Variants in STX8 observed in about 807,000 individuals in gnomAD.
STX8 encodes the protein syntaxin 8, also known as syntaxin-8.
A neutral mutation model predicts 37.5 loss-of-function variants in STX8; 23 were observed. The observed-to-expected ratio is 0.61, with a 90% CI of 0.44 to 0.87. The LOEUF (loss-of-function observed/expected upper bound fraction) is 0.87, where lower values mean the gene tolerates loss of function less well. Among genes scored for constraint, STX8 ranks in the 40% least tolerant of loss-of-function variants. STX8 has a pLI of 0.00. For missense variants in STX8, 313 were observed against 284.7 expected (o/e 1.10, Z -0.71); for synonymous variants, 115 against 99.1 (o/e 1.16, Z -0.95).
At chr17:9,556,733 A>G (rs1245022666) in intron 3 of STX8, among the ~76,000 whole-genome samples, 2 of 145,098 alleles carry the variant, frequency 1.4e-5, no homozygotes, top group Admixed American at 1.4e-4. Flanking sequence ...CACCTGGCCC[A>G]GATTATGAAT....
Position 9,299,673 on chromosome 17 carries a change from G to A in STX8, c.644-49028C>T, listed in dbSNP as rs574697632. On this transcript the variant is annotated intron_variant, in intron 7 of 7. Coordinates refer to ENST00000306357, the MANE Select transcript of STX8 (RefSeq NM_004853.3). ...TTAGCCAGGATGGTCTCAATCTCCT[G>A]CCCTCGTGATCTACTGCCTCAGCCT... Among the ~76,000 whole-genome samples, 4 of 151,976 alleles carry A rather than the reference G, an allele frequency of 2.6e-5. No homozygotes were observed. In the East Asian group the frequency reaches 5.8e-4, roughly 22 times the overall value.
intron 7 of STX8, among the ~76,000 whole-genome samples, chr17:9,320,395 G>A (rs1016883440): frequency 1.3e-5 from 2 of 151,696 alleles, no homozygotes; most frequent in Non-Finnish European, 2.9e-5. Flanking sequence ...TTTGAAACCA[G>A]TGATGGGAAG....
At position 9,389,904 on chromosome 17, in the gene STX8, C is replaced by T. The variant is rs571161176; in HGVS notation, c.542-11251G>A. Among the ~76,000 whole-genome samples, 24 of 152,016 alleles carry T rather than the reference C, an allele frequency of 1.6e-4. No homozygotes were observed. The South Asian group carries it at 2.9e-3, about 18-fold the overall frequency. The stretch of plus-strand genomic sequence containing the variant: ...GGGTGGTGGTGACCTCTGATAATAC[C>T]GTACACTAGGAAAAGATACATTCCA... On this transcript the variant is annotated intron_variant, in intron 6 of 7. Transcript: ENST00000306357.
chr17:9,409,994 A>G lies in STX8; in HGVS notation c.542-31341T>C, dbSNP rs372216933. ...GATCTTGTCTTTTCCTATGAATCGT[A>G]AGTACGAAAGGATTGGGGGTGGGGG... On this transcript the variant is annotated intron_variant, in intron 6 of 7. Transcript: ENST00000306357. Among the ~76,000 whole-genome samples, 4 of 152,154 alleles carry G rather than the reference A, an allele frequency of 2.6e-5. 1 individual carries two copies. In the East Asian group the frequency reaches 5.8e-4, roughly 22 times the overall value.
At chr17:9,556,329 A>T (rs1906961576) in intron 3 of STX8, among the ~76,000 whole-genome samples, 1 of 152,222 alleles carries the variant, frequency 6.6e-6, no homozygotes, top group African/African-American at 2.4e-5. Context: ...TAGAGAAATG[A>T]TGAGAGAAGA....
chr17:9,492,808 C>T (rs1906911158), intron 5 of STX8, among the ~76,000 whole-genome samples: 1 of 152,088 alleles, frequency 6.6e-6, no homozygotes, highest in Admixed American at 6.6e-5. Context: ...AAAAAATTAG[C>T]CAGGCAGCCA....
intron 3 of STX8, among the ~76,000 whole-genome samples, chr17:9,548,835 C>T: frequency 6.6e-6 from 1 of 151,988 alleles, no homozygotes; most frequent in Non-Finnish European, 1.5e-5. Context: ...AAAAAAAATC[C>T]TAACTATATA....
intron 6 of STX8, among the ~76,000 whole-genome samples, chr17:9,484,974 G>A (rs1338229629): frequency 6.6e-6 from 1 of 152,170 alleles, no homozygotes; most frequent in Non-Finnish European, 1.5e-5. Flanking sequence ...TTATCAGGAA[G>A]GCATTGGGAG....
At chr17:9,427,318 C>T (rs1236569200) in intron 6 of STX8, among the ~76,000 whole-genome samples, 2 of 152,082 alleles carry the variant, frequency 1.3e-5, no homozygotes, top group East Asian at 1.9e-4. Flanking sequence ...AGTCTGAACC[C>T]GAGTCTGCTG....
chr17:9,430,832 G>A (rs1179490791), intron 6 of STX8, among the ~76,000 whole-genome samples: 1 of 152,000 alleles, frequency 6.6e-6, no homozygotes, highest in Non-Finnish European at 1.5e-5. Context: ...TGTATTTTTA[G>A]TAGAGACGGG....
intron 7 of STX8, among the ~76,000 whole-genome samples, chr17:9,299,558 C>T (rs2142175205): frequency 6.6e-6 from 1 of 151,798 alleles, no homozygotes; most frequent in Non-Finnish European, 1.5e-5. Flanking sequence ...ATTCTCCTGC[C>T]TCAGCCTCCT....
chr17:9,332,371 T>G (rs1239115774), intron 7 of STX8, among the ~76,000 whole-genome samples: 2 of 152,138 alleles, frequency 1.3e-5, no homozygotes, highest in Non-Finnish European at 2.9e-5. Flanking sequence ...TAACAAATCA[T>G]CAGATCGACG....
chr17:9,428,317 T>C (rs1913714085), intron 6 of STX8, among the ~76,000 whole-genome samples: 1 of 152,212 alleles, frequency 6.6e-6, no homozygotes, highest in Admixed American at 6.5e-5. Context: ...CTCGGCTCAC[T>C]GCAAGCTCCG....
intron 7 of STX8, among the ~76,000 whole-genome samples, chr17:9,370,174 C>T (rs1414016527): frequency 6.6e-6 from 1 of 152,114 alleles, no homozygotes; most frequent in Non-Finnish European, 1.5e-5. Context: ...GAGATCACAC[C>T]ATTGCACTCC....
At chr17:9,486,662 G>A (rs956748322) in intron 6 of STX8, among the ~76,000 whole-genome samples, 1 of 152,106 alleles carries the variant, frequency 6.6e-6, no homozygotes, top group Non-Finnish European at 1.5e-5. Flanking sequence ...ACCACTCTGG[G>A]CAACACAGGG....
chr17:9,337,738 A>G (rs1910184472), intron 7 of STX8, among the ~76,000 whole-genome samples: 1 of 152,190 alleles, frequency 6.6e-6, no homozygotes, highest in Non-Finnish European at 1.5e-5. Context: ...ATCCCAAATC[A>G]ACCCTGAAGG....
At chr17:9,427,023 A>G (rs1913658155) in intron 6 of STX8, among the ~76,000 whole-genome samples, 1 of 152,144 alleles carries the variant, frequency 6.6e-6, no homozygotes, top group Admixed American at 6.5e-5. Context: ...GATTTTTATA[A>G]CTACTTTCAG....
At chr17:9,303,911 G>A (rs116860523) in intron 7 of STX8, among the ~76,000 whole-genome samples, 2,950 of 151,986 alleles carry the variant, frequency 0.019, 59 homozygotes, top group Non-Finnish European at 0.03. Flanking sequence ...CTTAAAATCT[G>A]GACGTCATAA....
chr17:9,427,121 G>A (rs1190727905), intron 6 of STX8, among the ~76,000 whole-genome samples: 1 of 152,136 alleles, frequency 6.6e-6, no homozygotes, highest in Non-Finnish European at 1.5e-5. Context: ...AATTTGCAAA[G>A]AGAATGAATT....
Sources: allele counts gnomAD v4.1 joint callset (sites outside exome capture counted in the v4.1 genomes callset), GRCh38; gene constraint gnomAD v4.1.1; transcripts MANE v1.5; gene names NCBI Gene and HGNC (gene_info 2026-07-23, HGNC 2026-07-21).